CEP85L: variants seen among roughly 807,000 people sequenced by gnomAD.
CEP85L encodes the protein centrosomal protein of 85 kDa-like.
A neutral mutation model predicts 100.3 loss-of-function variants in CEP85L; 60 were observed. That is an observed-to-expected ratio of 0.60 (90% CI 0.49 to 0.74). The LOEUF (loss-of-function observed/expected upper bound fraction) is 0.74. Ranked by LOEUF, CEP85L falls within the 30% of genes least tolerant of loss-of-function variation. The pLI, the probability that CEP85L is intolerant of heterozygous loss-of-function variation, is 0.00. For synonymous variants in CEP85L, 319 were observed against 322.7 expected, an observed-to-expected ratio of 0.99 and a Z score of 0.12; for missense variants, 973 against 936.2, an observed-to-expected ratio of 1.04 and a Z score of -0.51.
intron 5 of CEP85L, among the ~76,000 whole-genome samples, chr6:118,499,249 A>G (rs553509338): frequency 2.0e-5 from 3 of 152,230 alleles, no homozygotes; most frequent in Non-Finnish European, 4.4e-5. Context: ...AAACAAAAGA[A>G]ACTAAAAGTT....
intron 1 of CEP85L, among the ~76,000 whole-genome samples, chr6:118,666,136 T>G (rs922444888): frequency 6.6e-6 from 1 of 152,234 alleles, no homozygotes; most frequent in Non-Finnish European, 1.5e-5. Flanking sequence ...CTGGCTACTT[T>G]GCTGGACTTC....
intron 3 of CEP85L, among the ~76,000 whole-genome samples, chr6:118,561,869 T>A (rs903000319): frequency 6.6e-6 from 1 of 152,176 alleles, no homozygotes; most frequent in Non-Finnish European, 1.5e-5. Context: ...CAGACGTATA[T>A]AAGATAACAA....
chr6:118,646,976 T>G (rs1775241920), intron 1 of CEP85L: 1 of 985,284 alleles, frequency 1.0e-6, no homozygotes, highest in Non-Finnish European at 1.2e-6. Flanking sequence ...ATTCCAATTA[T>G]TAATCAAGTT....
chr6:118,620,377 T>C (rs1358969467), intron 2 of CEP85L, among the ~76,000 whole-genome samples: 1 of 152,178 alleles, frequency 6.6e-6, no homozygotes, highest in Non-Finnish European at 1.5e-5. Flanking sequence ...GCCTTGGTCA[T>C]GGCTCTCAGA....
intron 2 of CEP85L, among the ~76,000 whole-genome samples, chr6:118,569,210 C>A (rs1296358136): frequency 6.6e-6 from 1 of 151,536 alleles, no homozygotes; most frequent in African/African-American, 2.4e-5. Context: ...GGTGTGGTGG[C>A]AGGCGCCTGT....
chr6:118,468,964 G>A, intron 12 of CEP85L, 108 bp downstream of exon 12: 1 of 721,364 alleles, frequency 1.4e-6, no homozygotes, highest in Non-Finnish European at 2.3e-6. Context: ...ATTCTAAGTA[G>A]GAAAAGAGAT....
intron 4 of CEP85L, among the ~76,000 whole-genome samples, chr6:118,518,734 G>C (rs531339478): frequency 1.3e-5 from 2 of 152,080 alleles, no homozygotes; most frequent in East Asian, 1.9e-4. Context: ...ATCTCCTTCA[G>C]TTCTGCTCTG....
intron 7 of CEP85L, among the ~76,000 whole-genome samples, chr6:118,482,513 C>A (rs772680579): frequency 6.6e-6 from 1 of 152,172 alleles, no homozygotes; most frequent in African/African-American, 2.4e-5. Context: ...TTAATCCATA[C>A]GATAGCATGT....
upstream of CEP85L, chr6:118,652,913 A>AT (rs1446143830): frequency 1.4e-5 from 8 of 556,450 alleles, no homozygotes; most frequent in African/African-American, 7.7e-5. Flanking sequence ...AAGAGGATAG[A>AT]TTTTTTTAAG....
intron 5 of CEP85L, among the ~76,000 whole-genome samples, chr6:118,506,058 A>G (rs1170950263): frequency 6.6e-6 from 1 of 152,228 alleles, no homozygotes; most frequent in African/African-American, 2.4e-5. Flanking sequence ...TCTAAAAAGT[A>G]AAGTTAATAA....
intron 2 of CEP85L, among the ~76,000 whole-genome samples, chr6:118,591,906 A>G (rs1781210918): frequency 6.6e-6 from 1 of 152,230 alleles, no homozygotes; most frequent in African/African-American, 2.4e-5. Flanking sequence ...CAGCAATAAC[A>G]TAAATTAACG....
intron 1 of CEP85L, among the ~76,000 whole-genome samples, chr6:118,686,815 A>G (rs908803457): frequency 2.0e-5 from 3 of 152,150 alleles, no homozygotes; most frequent in African/African-American, 4.8e-5. Flanking sequence ...CTTCACATAC[A>G]CACTCTCCAC....
intron 3 of CEP85L, among the ~76,000 whole-genome samples, chr6:118,542,532 T>C (rs576453002): frequency 1.3e-5 from 2 of 152,310 alleles, no homozygotes; most frequent in East Asian, 1.9e-4. Flanking sequence ...AAAGAGACTT[T>C]AGAAATTAAT....
chr6:118,636,358 T>C (rs1774492635), intron 1 of CEP85L, among the ~76,000 whole-genome samples: 1 of 152,212 alleles, frequency 6.6e-6, no homozygotes, highest in African/African-American at 2.4e-5. Flanking sequence ...ATGAAAGCAC[T>C]ACTGAGGTTT....
intron 3 of CEP85L, among the ~76,000 whole-genome samples, chr6:118,527,515 TAACACTATA>T (rs1484562469): frequency 1.3e-5 from 2 of 152,162 alleles, no homozygotes; most frequent in Non-Finnish European, 2.9e-5. Flanking sequence ...AGAAAAAATT[TAACACTATA>T]AACAATATTA....
chr6:118,571,046 T>C (rs1316349998), intron 2 of CEP85L, among the ~76,000 whole-genome samples: 15 of 152,036 alleles, frequency 9.9e-5, no homozygotes, highest in Non-Finnish European at 2.2e-4. Context: ...TAAGAATATA[T>C]GAACAAAGAA....
At chr6:118,685,683 C>A (rs890259995) in intron 1 of CEP85L, among the ~76,000 whole-genome samples, 2 of 152,044 alleles carry the variant, frequency 1.3e-5, no homozygotes, top group African/African-American at 4.8e-5. Flanking sequence ...TCACTTGATA[C>A]TAATATGCCC....
At position 118,558,685 on chromosome 6, in the gene CEP85L, A is replaced by AGAGAGG. The variant is rs2114967981; in HGVS notation, c.1020+6843_1020+6844insCCTCTC. On this transcript the variant is annotated intron_variant, in intron 3 of 12. Coordinates refer to ENST00000368491, the MANE Select transcript of CEP85L (RefSeq NM_001042475.3). ...CAGAGAGAGAGAGAGAGAGAGAGAG[A>AGAGAGG]GAGGGAGAGAGACTATAGAAACATG... 3 of 520,198 alleles carry AGAGAGG rather than the reference A, an allele frequency of 5.8e-6. No homozygotes were observed. The East Asian group carries it at 1.0e-4, about 18-fold the overall frequency. 32.2% of individuals were successfully genotyped at this position (520,198 alleles called of 1,614,324 possible). A position where few individuals can be genotyped will look rare whatever the true frequency, so the allele number is the denominator to read the frequency against.
intron 2 of CEP85L, among the ~76,000 whole-genome samples, chr6:118,623,228 C>A (rs964321280): frequency 6.6e-6 from 1 of 152,122 alleles, no homozygotes; most frequent in Non-Finnish European, 1.5e-5. Context: ...CATCATAAGG[C>A]CCCTCTGGGG....
Sources: allele counts gnomAD v4.1 joint callset (sites outside exome capture counted in the v4.1 genomes callset), GRCh38; gene constraint gnomAD v4.1.1; transcripts MANE v1.5; gene names NCBI Gene and HGNC (gene_info 2026-07-23, HGNC 2026-07-21).